The following IGF1R variants were observed in gnomAD, a reference collection of about 807,000 sequenced individuals.
The protein encoded by IGF1R is insulin like growth factor 1 receptor.
In IGF1R, 44 loss-of-function variants were observed where a neutral mutation model predicts 144.6. The ratio of observed to expected loss-of-function variants is 0.30; its 90% confidence interval spans 0.24 to 0.39. The LOEUF (loss-of-function observed/expected upper bound fraction) is 0.39. Ranked by LOEUF, IGF1R falls within the 10% of genes least tolerant of loss-of-function variation. The pLI, the probability that IGF1R is intolerant of heterozygous loss-of-function variation, is 1.00. For missense variants in IGF1R, 1,355 were observed against 1,833.7 expected, an observed-to-expected ratio of 0.74 and a Z score of 4.77; for synonymous variants, 795 against 722.8, an observed-to-expected ratio of 1.10 and a Z score of -1.60.
chr15:98,762,044 G>A (rs757525418), intron 2 of IGF1R, among the ~76,000 whole-genome samples: 2 of 152,094 alleles, frequency 1.3e-5, no homozygotes, highest in East Asian at 1.9e-4. Context: ...CTGTTTGGGG[G>A]CCTGTATGAT....
At chr15:98,856,667 G>A (rs767475389) in intron 2 of IGF1R, among the ~76,000 whole-genome samples, 14 of 152,218 alleles carry the variant, frequency 9.2e-5, no homozygotes, top group African/African-American at 1.7e-4. Context: ...ATTGGAACCA[G>A]GCTCTAAAAG....
intron 1 of IGF1R, among the ~76,000 whole-genome samples, chr15:98,654,925 G>A (rs1356380947): frequency 1.3e-5 from 2 of 152,198 alleles, no homozygotes; most frequent in East Asian, 3.9e-4. Context: ...AGCTTAGCAA[G>A]AGGAGGTTTT....
rs1180186338 is a variant in IGF1R at position 98,812,435 on chromosome 15, C to T, written c.641-78890C>T. On this transcript the variant is annotated intron_variant, in intron 2 of 20. Coordinates refer to ENST00000650285, the MANE Select transcript of IGF1R (RefSeq NM_000875.5). ...ACAATGGTGCGATCTCAGTTCACTG[C>T]AATCTCCGCCTCCTGGTTTCAAGCA... 2.0e-5 allele frequency among the ~76,000 whole-genome samples: 3 copies of T among 151,962 alleles called. No individual in the cohort carries two copies. In the East Asian group the frequency reaches 5.8e-4, roughly 29 times the overall value.
intron 1 of IGF1R, among the ~76,000 whole-genome samples, chr15:98,691,901 C>T (rs1429928073): frequency 1.3e-5 from 2 of 152,184 alleles, no homozygotes; most frequent in African/African-American, 2.4e-5. Context: ...TATTTTTTGG[C>T]AGATGTTGTC....
chr15:98,789,906 C>A (rs2056089950), intron 2 of IGF1R, among the ~76,000 whole-genome samples: 1 of 152,096 alleles, frequency 6.6e-6, no homozygotes, highest in Admixed American at 6.5e-5. Context: ...AAGTCTCTGC[C>A]CTGAAAATGG....
At chr15:98,753,612 AAAGTT>A (rs780004222) in intron 2 of IGF1R, among the ~76,000 whole-genome samples, 37 of 152,106 alleles carry the variant, frequency 2.4e-4, no homozygotes, top group Non-Finnish European at 4.6e-4. Flanking sequence ...GTATATTTAT[AAAGTT>A]AATTGGATTT....
intron 2 of IGF1R, among the ~76,000 whole-genome samples, chr15:98,733,372 C>T (rs1387524595): frequency 2.6e-5 from 4 of 152,086 alleles, no homozygotes; most frequent in African/African-American, 9.7e-5. Flanking sequence ...AGGTGCATAC[C>T]CCCATGCCTG....
chr15:98,740,614 G>C (rs1388224077), intron 2 of IGF1R, among the ~76,000 whole-genome samples: 1 of 152,292 alleles, frequency 6.6e-6, no homozygotes, highest in East Asian at 1.9e-4. Flanking sequence ...AATACAGCAA[G>C]GGGAAATGTT....
intron 2 of IGF1R, among the ~76,000 whole-genome samples, chr15:98,866,221 GC>G (rs2012438036): frequency 6.6e-6 from 1 of 152,136 alleles, no homozygotes; most frequent in South Asian, 2.1e-4. Flanking sequence ...ACAGGAAGAC[GC>G]CTCTGTCTCT....
At chr15:98,919,264 A>G (rs1271219184) in intron 10 of IGF1R, among the ~76,000 whole-genome samples, 1 of 151,962 alleles carries the variant, frequency 6.6e-6, no homozygotes, top group Non-Finnish European at 1.5e-5. Flanking sequence ...AGACCAGCAG[A>G]GGCTTAGCTC....
At chr15:98,657,495 A>G (rs1277078421) in intron 1 of IGF1R, among the ~76,000 whole-genome samples, 2 of 152,198 alleles carry the variant, frequency 1.3e-5, no homozygotes, top group African/African-American at 4.8e-5. Context: ...TAGTGGGATA[A>G]TACACAAGCT....
At chr15:98,765,257 A>T (rs1157198906) in intron 2 of IGF1R, among the ~76,000 whole-genome samples, 1 of 143,902 alleles carries the variant, frequency 6.9e-6, no homozygotes, top group Non-Finnish European at 1.5e-5. Context: ...TCTGAGATGG[A>T]TGTAAACTTA....
chr15:98,697,272 C>G (rs1195521034), intron 1 of IGF1R, among the ~76,000 whole-genome samples: 1 of 152,204 alleles, frequency 6.6e-6, no homozygotes, highest in Admixed American at 6.5e-5. Context: ...CTTGAAACAT[C>G]AGATAGTGAG....
chr15:98,736,202 C>T (rs765250280), intron 2 of IGF1R, among the ~76,000 whole-genome samples: 7 of 152,164 alleles, frequency 4.6e-5, no homozygotes, highest in African/African-American at 9.7e-5. Flanking sequence ...TTGCTTCTGT[C>T]GCTGCTGCTG....
intron 2 of IGF1R, among the ~76,000 whole-genome samples, chr15:98,878,693 A>ACAAAAAAAAC (rs1257760479): frequency 6.3e-5 from 8 of 126,118 alleles, no homozygotes; most frequent in African/African-American, 2.2e-4. Flanking sequence ...AAAAAAAAAA[A>ACAAAAAAAAC]AACAACAACA....
intron 14 of IGF1R, 55 bp from the exon 15 acceptor site, chr15:98,930,180 T>C: frequency 8.6e-7 from 1 of 1,169,548 alleles, no homozygotes; most frequent in Non-Finnish European, 1.3e-6. Flanking sequence ...TGAAAGTATA[T>C]ACAGGAATGT....
chr15:98,847,915 A>G (rs2011395567), intron 2 of IGF1R, among the ~76,000 whole-genome samples: 2 of 152,098 alleles, frequency 1.3e-5, no homozygotes, highest in South Asian at 4.1e-4. Flanking sequence ...TAGGACAGAC[A>G]CTCTGCCAGC....
chr15:98,917,271 C>T lies in IGF1R; in HGVS notation c.2201+395C>T, dbSNP rs554940548. Among the ~76,000 whole-genome samples the T allele has an allele frequency of 3.3e-5, 5 of 152,336 alleles. No homozygotes were observed. In the East Asian group the frequency reaches 9.6e-4, roughly 29 times the overall value. On this transcript the variant is annotated intron_variant, in intron 10 of 20. Coordinates refer to ENST00000650285, the MANE Select transcript of IGF1R (RefSeq NM_000875.5). ...CCCTTCCTAATTATCTTTACTGCCT[C>T]TCTCAGCCTCACAGAGGAGGAGTGA...
chr15:98,940,414 T>C (rs909828160), intron 18 of IGF1R, among the ~76,000 whole-genome samples: 1 of 152,208 alleles, frequency 6.6e-6, no homozygotes, highest in African/African-American at 2.4e-5. Context: ...GAACGGTTTC[T>C]TTTTTTGAGA....
Sources: gnomAD v4.1 joint callset for allele counts (sites outside exome capture counted in the v4.1 genomes callset) on GRCh38, gnomAD v4.1.1 for gene constraint, MANE v1.5 for transcripts, NCBI Gene and HGNC (gene_info 2026-07-23, HGNC 2026-07-21) for gene names.